ASIC2: variants seen among roughly 807,000 people sequenced by gnomAD.
ASIC2 encodes acid-sensing ion channel 2.
Under a neutral mutation model 57.3 loss-of-function variants are expected in ASIC2, and 25 were observed. The ratio of observed to expected loss-of-function variants is 0.44; its 90% CI spans 0.32 to 0.61. ASIC2 has a LOEUF of 0.61. ASIC2 is among the 20% of genes least tolerant of loss of function. The pLI, the probability that ASIC2 is intolerant of heterozygous loss-of-function variation, is 0.06. For missense variants in ASIC2, 641 were observed against 738.1 expected (o/e 0.87, Z 1.52); for synonymous variants, 319 against 307.5 (o/e 1.04, Z -0.39).
chr17:33,425,920 G>T (rs561606713), intron 1 of ASIC2, among the ~76,000 whole-genome samples: 1 of 152,118 alleles, frequency 6.6e-6, no homozygotes, highest in African/African-American at 2.4e-5. Flanking sequence ...CCGGTCAGGC[G>T]CAGCGCCAAC....
chr17:34,142,381 G>A (rs1912294983), intron 1 of ASIC2, among the ~76,000 whole-genome samples: 1 of 152,156 alleles, frequency 6.6e-6, no homozygotes, highest in Non-Finnish European at 1.5e-5. Flanking sequence ...TACATATAGT[G>A]CTGGATTAGA....
intron 1 of ASIC2, among the ~76,000 whole-genome samples, chr17:33,353,052 A>T (rs1908245990): frequency 6.6e-6 from 1 of 152,166 alleles, no homozygotes; most frequent in Admixed American, 6.5e-5. Context: ...AAGCGTCCTG[A>T]CTTTGCATTC....
chr17:33,799,370 CT>C (rs1192326558), intron 1 of ASIC2, among the ~76,000 whole-genome samples: 69 of 109,914 alleles, frequency 6.3e-4, no homozygotes, highest in African/African-American at 1.8e-3. Flanking sequence ...TTCTTTCTTT[CT>C]TTCTTCCTTT....
intron 1 of ASIC2, among the ~76,000 whole-genome samples, chr17:33,788,629 T>C (rs929637758): frequency 2.0e-5 from 3 of 152,132 alleles, no homozygotes; most frequent in Non-Finnish European, 4.4e-5. Context: ...CACTTTACAA[T>C]AGCAAAGACT....
At chr17:33,068,033 G>A (rs1266896101) in intron 3 of ASIC2, among the ~76,000 whole-genome samples, 1 of 152,142 alleles carries the variant, frequency 6.6e-6, no homozygotes, top group Non-Finnish European at 1.5e-5. Flanking sequence ...AGCCAGTACC[G>A]AGAGGAGGTC....
chr17:33,480,848 A>G (rs575347469), intron 1 of ASIC2, among the ~76,000 whole-genome samples: 4 of 152,230 alleles, frequency 2.6e-5, no homozygotes, highest in African/African-American at 9.6e-5. Context: ...GAGAGGCTCC[A>G]CCTGCAGCAT....
At chr17:33,816,205 G>A (rs916870777) in intron 1 of ASIC2, among the ~76,000 whole-genome samples, 1 of 152,046 alleles carries the variant, frequency 6.6e-6, no homozygotes, top group African/African-American at 2.4e-5. Flanking sequence ...GTTTCAGCAG[G>A]TGGAGAAGCT....
intron 1 of ASIC2, among the ~76,000 whole-genome samples, chr17:33,508,106 T>C (rs547281096): frequency 6.6e-6 from 1 of 152,094 alleles, no homozygotes; most frequent in African/African-American, 2.4e-5. Flanking sequence ...TTTCCATCTT[T>C]TCTCTTCCTG....
chr17:33,686,955 A>C (rs141896639), intron 1 of ASIC2, among the ~76,000 whole-genome samples: 1 of 152,270 alleles, frequency 6.6e-6, no homozygotes, highest in East Asian at 1.9e-4. Context: ...CTAGCCAAGA[A>C]CAGTCTAGCT....
At chr17:33,077,638 A>G (rs2092094626) in intron 3 of ASIC2, among the ~76,000 whole-genome samples, 1 of 152,206 alleles carries the variant, frequency 6.6e-6, no homozygotes, top group African/African-American at 2.4e-5. Flanking sequence ...GATAAGCAGT[A>G]TGATTTACTA....
At chr17:33,937,425 C>T (rs1597938601) in intron 1 of ASIC2, among the ~76,000 whole-genome samples, 2 of 147,652 alleles carry the variant, frequency 1.4e-5, no homozygotes, top group Admixed American at 1.3e-4. Context: ...AATCAGAGCT[C>T]TTTTTTTTTT....
intron 1 of ASIC2, among the ~76,000 whole-genome samples, chr17:33,255,028 CTTTTT>C (rs1173076413): frequency 5.4e-4 from 40 of 73,986 alleles, no homozygotes; most frequent in South Asian, 4.1e-3. Flanking sequence ...AGAAAGAAAT[CTTTTT>C]TTTTTTTTTT....
At chr17:33,433,800 T>C (rs949591798) in intron 1 of ASIC2, among the ~76,000 whole-genome samples, 3 of 151,710 alleles carry the variant, frequency 2.0e-5, no homozygotes, top group African/African-American at 7.3e-5. Context: ...GGTGACGAAA[T>C]AATCTGTACA....
chr17:33,065,910 G>A (rs1052605427), intron 3 of ASIC2, among the ~76,000 whole-genome samples: 16 of 152,170 alleles, frequency 1.1e-4, no homozygotes, highest in Non-Finnish European at 1.5e-4. Context: ...GGCCCGAAAA[G>A]TCAAGGCCTT....
At chr17:34,129,298 C>T (rs1911884007) in intron 1 of ASIC2, among the ~76,000 whole-genome samples, 1 of 152,158 alleles carries the variant, frequency 6.6e-6, no homozygotes, top group South Asian at 2.1e-4. Flanking sequence ...AACCAGCATC[C>T]AAGCCCCACT....
intron 1 of ASIC2, among the ~76,000 whole-genome samples, chr17:33,384,594 G>T (rs1434098241): frequency 3.9e-5 from 6 of 152,186 alleles, no homozygotes; most frequent in Non-Finnish European, 4.4e-5. Context: ...GTGAGGAGGA[G>T]AATGGAAAAG....
At chr17:33,200,169 C>G (rs1385248254) in intron 1 of ASIC2, among the ~76,000 whole-genome samples, 1 of 152,204 alleles carries the variant, frequency 6.6e-6, no homozygotes, top group Non-Finnish European at 1.5e-5. Context: ...TCTTCGCTAG[C>G]AATAACTGCA....
intron 1 of ASIC2, among the ~76,000 whole-genome samples, chr17:33,236,337 C>G (rs1908295785): frequency 6.6e-6 from 1 of 151,628 alleles, no homozygotes; most frequent in African/African-American, 2.4e-5. Flanking sequence ...ATTAGGGTCT[C>G]TCTCTTTTAT....
chr17:33,200,556 C>T (rs530601686), intron 1 of ASIC2, among the ~76,000 whole-genome samples: 3 of 152,218 alleles, frequency 2.0e-5, no homozygotes, highest in African/African-American at 7.2e-5. Context: ...TTGTTCAGAC[C>T]AAAAAATCTG....
Sources: gnomAD v4.1 joint callset for allele counts (sites outside exome capture counted in the v4.1 genomes callset) on GRCh38, gnomAD v4.1.1 for gene constraint, MANE v1.5 for transcripts, NCBI Gene and HGNC (gene_info 2026-07-23, HGNC 2026-07-21) for gene names.